MFSD12: variants seen among roughly 807,000 people sequenced by gnomAD.
The protein encoded by MFSD12 is major facilitator superfamily domain-containing protein 12.
MFSD12 carries 67 observed loss-of-function variants against 51.2 expected under a neutral mutation model. The ratio of observed to expected loss-of-function variants is 1.31; its 90% confidence interval spans 1.08 to 1.60. The LOEUF (loss-of-function observed/expected upper bound fraction) is 1.60, where lower values mean the gene tolerates loss of function less well. Ranked by LOEUF, MFSD12 falls within the 40% of genes most tolerant of loss-of-function variation. The pLI is 0.00. For synonymous variants in MFSD12, 441 were observed against 316.7 expected (o/e 1.39, Z -4.17); for missense variants, 921 against 673.0 (o/e 1.37, Z -4.08).
rs368871522 is a variant in MFSD12 at position 3,550,981 on chromosome 19, C to A, written c.509+3G>T. The A allele has an allele frequency of 8.7e-6, 14 of 1,610,080 alleles. No homozygotes were observed. The highest frequency in any genetic ancestry group is 1.3e-5 in the African/African-American group (1 of 74,972). On this transcript the variant is annotated splice_donor_region_variant and intron_variant, in intron 2 of 9. Coordinates refer to ENST00000355415, the MANE Select transcript of MFSD12 (RefSeq NM_174983.5). The stretch of plus-strand genomic sequence containing the variant: ...CCGTGGGGGAGGGTGCCCAGGCTCC[C>A]ACCTGAGTGCCGTGAGCTCCACCTT...
At position 3,551,262 on chromosome 19, in the gene MFSD12, TGGAG is replaced by T. The variant is rs2145210507; in HGVS notation, c.299-72_299-69del. ...AGCCAGGGCTCCCAGGGTGAGGACATGGAGGGAGGAGAGAGGGAAACTGAGGCAC... is the reference window on the plus strand; with the variant it reads ...AGCCAGGGCTCCCAGGGTGAGGACATGGAGGAGAGAGGGAAACTGAGGCAC... On this transcript the variant is annotated intron_variant, in intron 1 of 9. Transcript: ENST00000355415. This position sits in a 1 kb window ranked among gnomAD's most constrained non-coding sequence, Gnocchi z 4.6. The T allele has an allele frequency of 3.1e-6, 4 of 1,294,610 alleles. No homozygotes were observed. Among genetic ancestry groups the T allele is most frequent in the Admixed American group, 2.4e-5 (1 of 41,796 alleles). 80.2% of individuals were successfully genotyped at this position (1,294,610 alleles called of 1,614,324 possible).
At chr19:3,546,050 G>C (rs1599824566) in intron 8 of MFSD12, 24 bp downstream of exon 8, 1 of 1,610,520 alleles carries the variant, frequency 6.2e-7, no homozygotes. Context: ...ACAAAAGAAT[G>C]AATGAACGAA....
chr19:3,548,370 A>T (rs2031254038), intron 2 of MFSD12, 103 bp from the exon 3 acceptor site: 3 of 1,449,250 alleles, frequency 2.1e-6, no homozygotes, highest in Non-Finnish European at 2.8e-6. Context: ...CCCCTGACTG[A>T]CAGGTGATTC....
chr19:3,547,394 C>A, intron 5 of MFSD12, 30 bp from the exon 6 acceptor site: 1 of 1,612,718 alleles, frequency 6.2e-7, no homozygotes, highest in South Asian at 1.1e-5. Context: ...CATGCCGTGT[C>A]AGTCATGGCT....
intron 1 of MFSD12, among the ~76,000 whole-genome samples, chr19:3,553,486 A>AG (rs2031577295): frequency 1.4e-5 from 2 of 147,500 alleles, no homozygotes; most frequent in East Asian, 2.0e-4. Context: ...AAAAAAAAAA[A>AG]GGCCGGGCGC....
downstream of MFSD12, among the ~76,000 whole-genome samples, chr19:3,540,858 C>T (rs1263296965): frequency 2.1e-5 from 2 of 97,526 alleles, no homozygotes; most frequent in Non-Finnish European, 2.0e-5. Flanking sequence ...CAGCCCAGAG[C>T]GAAACTCCAT....
chr19:3,545,352 C>T (rs749224556), intron 8 of MFSD12, among the ~76,000 whole-genome samples: 5 of 152,192 alleles, frequency 3.3e-5, no homozygotes, highest in Non-Finnish European at 5.9e-5. Context: ...GGTCAAATCC[C>T]CTAAGTCCTC....
intron 4 of MFSD12, 137 bp from the exon 5 acceptor site, chr19:3,547,684 G>A (rs2031187401): frequency 8.5e-7 from 1 of 1,174,260 alleles, no homozygotes; most frequent in Non-Finnish European, 1.2e-6. Flanking sequence ...CAGTGGGGTG[G>A]GCCAGGAAGA....
downstream of MFSD12, chr19:3,542,305 T>A: frequency 2.0e-6 from 2 of 985,414 alleles, no homozygotes; most frequent in Non-Finnish European, 1.2e-6. Context: ...AGTCAGGATT[T>A]AAGCAGAGTT....
intron 4 of MFSD12, chr19:3,538,939 T>A: frequency 1.5e-6 from 1 of 650,832 alleles, no homozygotes; most frequent in Non-Finnish European, 2.8e-6. Context: ...TGCATAGAGC[T>A]GGGGGCTCAG....
In MFSD12 at chr19:3,544,659, C is replaced by T. The variant is rs371439443; in HGVS notation, c.*51G>A. 17 of 1,551,246 alleles carry T rather than the reference C, an allele frequency of 1.1e-5. No homozygotes were observed. Among genetic ancestry groups the T allele is most frequent in the East Asian group, 6.8e-5 (3 of 44,100 alleles). ...TTTTCCCCAAGGCCCTGGGGGGCAT[C>T]CTCGTGCGTCCCCACAGTTCCCTTG... On this transcript the variant is annotated 3_prime_UTR_variant, in exon 10 of 10. Transcript: ENST00000355415.
downstream of MFSD12, among the ~76,000 whole-genome samples, chr19:3,541,206 C>T (rs79233557): frequency 0.28 from 40,518 of 146,328 alleles, 7,649 homozygotes; most frequent in East Asian, 0.82. Context: ...CATGGCGGCA[C>T]GTGCCTGTAA....
At chr19:3,544,194 C>G (rs776040717), downstream of MFSD12, 26 of 1,367,036 alleles carry the variant, frequency 1.9e-5, no homozygotes, top group Admixed American at 3.4e-5. Flanking sequence ...AGACAGGAGC[C>G]AGGCTGCCGT....
intron 1 of MFSD12, among the ~76,000 whole-genome samples, chr19:3,552,537 C>T (rs1392123027): frequency 1.5e-5 from 2 of 132,306 alleles, no homozygotes; most frequent in Non-Finnish European, 3.1e-5. Flanking sequence ...TGCAGTGGTG[C>T]GATCTCAGCT....
downstream of MFSD12, chr19:3,543,294 G>T: frequency 6.5e-7 from 1 of 1,548,662 alleles, no homozygotes. Context: ...CAGGCCACAC[G>T]CTGGAAGTAC....
downstream of MFSD12, chr19:3,539,457 G>A (rs2030179396): frequency 5.3e-6 from 3 of 569,228 alleles, no homozygotes; most frequent in East Asian, 2.8e-5. Context: ...CTACAGACCT[G>A]GAGACAGGCC....
At position 3,548,255 on chromosome 19, in the gene MFSD12, G is replaced by A. The variant is rs1276114719; in HGVS notation, c.522C>T (p.Thr174=). The change falls in exon 3 of 10, where the codon ACC becomes ACT. Residue 174 remains threonine (T), a synonymous_variant. Transcript: ENST00000355415. ...CGTAGACGGTGATGTTGGCCACCAC[G>A]GTGAACGCATACCTGGCGGGCAGGC... is the stretch of plus-strand genomic sequence containing the variant. ...VELTALRYAF[T]VVANITVYGA... 1.7e-5 allele frequency: 27 copies of A among 1,549,556 alleles called. No homozygotes were observed. The Admixed American group carries it at 1.8e-4, about 10-fold the overall frequency.
chr19:3,548,954 C>T (rs1008249776), intron 2 of MFSD12, among the ~76,000 whole-genome samples: 1 of 135,940 alleles, frequency 7.4e-6, no homozygotes, highest in African/African-American at 3.6e-5. Context: ...GATACACAGG[C>T]AGATGTGGAG....
chr19:3,543,145 TC>T, downstream of MFSD12: 1 of 1,513,026 alleles, frequency 6.6e-7, no homozygotes, highest in South Asian at 1.3e-5. Flanking sequence ...GGGCCAGGCC[TC>T]TACATCATCC....
Sources: gnomAD v4.1 joint callset for allele counts (sites outside exome capture counted in the v4.1 genomes callset) on GRCh38, gnomAD v4.1.1 for gene constraint, Gnocchi (gnomAD v3.1) non-coding constraint, MANE v1.5 for transcripts, NCBI Gene and HGNC (gene_info 2026-07-23, HGNC 2026-07-21) for gene names.